Variants in MYO16 observed in about 807,000 individuals in gnomAD.
MYO16 encodes the protein myosin XVI, also known as unconventional myosin-XVI.
A neutral mutation model predicts 205.3 loss-of-function variants in MYO16; 94 were observed. The observed-to-expected ratio is 0.46, with a 90% CI of 0.39 to 0.54. The LOEUF is 0.54. MYO16 is among the 20% of genes least tolerant of loss of function. MYO16 has a pLI of 0.00. For synonymous variants in MYO16, 988 were observed against 954.0 expected (o/e 1.04, Z -0.66); for missense variants, 2,315 against 2,387.5 (o/e 0.97, Z 0.63).
At chr13:109,034,663 C>A (rs1886655296) in intron 23 of MYO16, among the ~76,000 whole-genome samples, 1 of 152,090 alleles carries the variant, frequency 6.6e-6, no homozygotes, top group Admixed American at 6.6e-5. Flanking sequence ...AAGGTTAGTC[C>A]CTGCTGTTTT....
At position 108,808,398 on chromosome 13, in the gene MYO16, G is replaced by A. The variant is rs376220321; in HGVS notation, c.867+1594G>A. Among the ~76,000 whole-genome samples, 29 of 150,494 alleles carry A rather than the reference G, an allele frequency of 1.9e-4. No homozygotes were observed. In the East Asian group the frequency reaches 3.0e-3, roughly 15 times the overall value. On this transcript the variant is annotated intron_variant, in intron 7 of 34. Coordinates refer to ENST00000457511, the MANE Select transcript of MYO16 (RefSeq NM_001198950.3). ...GTGATCTCAGATCACTGCAACCTCC[G>A]CCTCCTGAGTTCAAGCAGTTCTTGT...
At chr13:108,647,337 G>C (rs766516531) in intron 1 of MYO16, among the ~76,000 whole-genome samples, 18 of 152,142 alleles carry the variant, frequency 1.2e-4, no homozygotes, top group Non-Finnish European at 2.1e-4. Context: ...TCTATGAGCT[G>C]CTCTAGAAGC....
the MYO16 span, among the ~76,000 whole-genome samples, chr13:108,498,434 T>G: frequency 1.1e-4 from 17 of 152,300 alleles, no homozygotes; most frequent in East Asian, 3.1e-3. Flanking sequence ...TACTTTCTCC[T>G]GAGAAAAGGG....
intron 14 of MYO16, among the ~76,000 whole-genome samples, chr13:108,893,176 G>A (rs1422071405): frequency 6.6e-6 from 1 of 152,100 alleles, no homozygotes; most frequent in African/African-American, 2.4e-5. Flanking sequence ...AAAATCATCA[G>A]TCATTATATC....
intron 5 of MYO16, among the ~76,000 whole-genome samples, chr13:108,792,926 C>CTTTAAAATACTTTGAGTATTTTATG (rs1485127144): frequency 6.6e-6 from 1 of 151,936 alleles, no homozygotes; most frequent in African/African-American, 2.4e-5. Context: ...CATTTAAGTA[C>CTTTAAAATACTTTGAGTATTTTATG]TTTAAAATAC....
At chr13:108,528,193 A>T in the MYO16 span, among the ~76,000 whole-genome samples, 409 of 152,308 alleles carry the variant, frequency 2.7e-3, 3 homozygotes, top group African/African-American at 9.1e-3. Context: ...ACAGATTAGC[A>T]CTTGTATTTA....
At chr13:108,903,006 G>C (rs143760357) in intron 15 of MYO16, among the ~76,000 whole-genome samples, 7 of 152,304 alleles carry the variant, frequency 4.6e-5, no homozygotes, top group Non-Finnish European at 7.4e-5. Context: ...CCTTTGTTCA[G>C]TGTATCCACG....
chr13:109,104,403 T>G (rs1889061207), intron 28 of MYO16, among the ~76,000 whole-genome samples: 1 of 152,168 alleles, frequency 6.6e-6, no homozygotes, highest in Admixed American at 6.6e-5. Context: ...TACTTCCCAT[T>G]ACAGGGTGAC....
At chr13:109,184,152 G>A (rs1005621114) in intron 34 of MYO16, among the ~76,000 whole-genome samples, 37 of 152,000 alleles carry the variant, frequency 2.4e-4, no homozygotes, top group African/African-American at 4.6e-4. Flanking sequence ...GTCAGGGAAC[G>A]TAAGTAAGAT....
At position 109,055,173 on chromosome 13, in the gene MYO16, A is replaced by C. The variant is rs755444022; in HGVS notation, c.3129+47A>C. The C allele has an allele frequency of 2.1e-6, 3 of 1,442,446 alleles. No individual in the cohort carries two copies. Among genetic ancestry groups the C allele is most frequent in the Non-Finnish European group, 2.8e-6 (3 of 1,054,082 alleles). The allele number at this position is 1,442,446 out of a possible 1,614,324, so 89.4% of individuals were successfully genotyped here. ...CAAAAACTTAATGTATGTTTATAGC[A>C]ACTAAAGAGGGTTTATGTAGACTTT... is the stretch of plus-strand genomic sequence containing the variant. On this transcript the variant is annotated intron_variant, in intron 26 of 34. Coordinates refer to ENST00000457511, the MANE Select transcript of MYO16 (RefSeq NM_001198950.3). The surrounding 1 kb of genome is among the most constrained non-coding windows in gnomAD (Gnocchi z 5.0).
chr13:108,972,379 T>G (rs1329089678), intron 20 of MYO16, among the ~76,000 whole-genome samples: 1 of 63,552 alleles, frequency 1.6e-5, no homozygotes, highest in African/African-American at 9.1e-5. Flanking sequence ...TATATATATA[T>G]ATATATATAT....
chr13:108,883,011 G>A, intron 12 of MYO16, 48 bp from the exon 13 acceptor site: 4 of 1,603,590 alleles, frequency 2.5e-6, no homozygotes, highest in Non-Finnish European at 3.4e-6. Context: ...GAGGAATACT[G>A]GCGCCTTTTC....
chr13:109,077,738 A>G (rs956365253), intron 27 of MYO16, among the ~76,000 whole-genome samples: 1 of 152,256 alleles, frequency 6.6e-6, no homozygotes, highest in East Asian at 1.9e-4. Flanking sequence ...TCTGTATGTT[A>G]CTATGTTTGA....
the MYO16 span, among the ~76,000 whole-genome samples, chr13:108,585,343 A>G: frequency 1.5e-3 from 227 of 152,356 alleles, no homozygotes; most frequent in African/African-American, 5.4e-3. Context: ...GGCTATAGGT[A>G]AATTTAAACA....
rs535702986 is a variant in MYO16 at position 109,156,626 on chromosome 13, C to T, written c.5165-8275C>T. 1.2e-4 allele frequency among the ~76,000 whole-genome samples: 18 copies of T among 152,304 alleles called. No individual in the cohort carries two copies. In the South Asian group the frequency reaches 3.7e-3, roughly 32 times the overall value. On this transcript the variant is annotated intron_variant, in intron 32 of 34. Transcript: ENST00000457511. ...GTACCTAAGAGAAAAGTGGTGTTTT[C>T]AGCATCTTGTTGGGGAAACATTCCA...
intron 9 of MYO16, among the ~76,000 whole-genome samples, chr13:108,832,117 TC>T (rs1215786092): frequency 8.0e-5 from 12 of 150,748 alleles, no homozygotes; most frequent in African/African-American, 2.7e-4. Flanking sequence ...ACTTTGACTT[TC>T]CAGTGTATTT....
At chr13:109,154,323 G>T (rs2139843980) in intron 32 of MYO16, among the ~76,000 whole-genome samples, 1 of 152,248 alleles carries the variant, frequency 6.6e-6, no homozygotes, top group African/African-American at 2.4e-5. Context: ...GCCTTGGGTG[G>T]CCTGGCCCGG....
At chr13:109,012,987 T>G (rs1027311745) in intron 22 of MYO16, among the ~76,000 whole-genome samples, 1 of 151,952 alleles carries the variant, frequency 6.6e-6, no homozygotes, top group South Asian at 2.1e-4. Context: ...TTTTATACTT[T>G]AAGTTCTAGG....
Position 109,048,540 on chromosome 13 carries a change from G to A in MYO16, c.2872+1549G>A, listed in dbSNP as rs74470724. 5.6e-3 allele frequency: 2,284 copies of A among 404,996 alleles called. 10 individuals are homozygous for A. The highest frequency in any genetic ancestry group is 8.5e-3 in the Non-Finnish European group (1,888 of 221,170). 25.1% of individuals were successfully genotyped at this position (404,996 alleles called of 1,614,324 possible). ...GTAGACAATACAAATGGATGTGACTGTATTCTGATAAAATTTTATTTACAA... is the reference window on the plus strand; with the variant it reads ...GTAGACAATACAAATGGATGTGACTATATTCTGATAAAATTTTATTTACAA... On this transcript the variant is annotated intron_variant, in intron 24 of 34. Coordinates refer to ENST00000457511, the MANE Select transcript of MYO16 (RefSeq NM_001198950.3).
Sources: allele counts gnomAD v4.1 joint callset (sites outside exome capture counted in the v4.1 genomes callset), GRCh38; gene constraint gnomAD v4.1.1; non-coding constraint Gnocchi (gnomAD v3.1); transcripts MANE v1.5; gene names NCBI Gene and HGNC (gene_info 2026-07-23, HGNC 2026-07-21).